KLF8: variants seen among roughly 807,000 people sequenced by gnomAD.
KLF8 encodes KLF transcription factor 8.
Under a neutral mutation model 18.2 loss-of-function variants are expected in KLF8, and 10 were observed. That is an observed-to-expected ratio of 0.55 (90% confidence interval 0.34 to 0.93). The LOEUF (loss-of-function observed/expected upper bound fraction) is 0.93. KLF8 is among the 40% of genes least tolerant of loss of function. The pLI is 0.02. For missense variants in KLF8, 264 were observed against 277.9 expected, an observed-to-expected ratio of 0.95 and a Z score of 0.36; for synonymous variants, 109 against 97.3, an observed-to-expected ratio of 1.12 and a Z score of -0.71.
At chrX:56,215,765 G>A in the KLF8 span, among the ~76,000 whole-genome samples, 7 of 88,335 alleles carry the variant, frequency 7.9e-5, no homozygotes, top group Non-Finnish European at 1.3e-4. Flanking sequence ...GGAGGTTCCA[G>A]TGAGCTAAGA....
chrX:55,925,319 C>A, the KLF8 span, among the ~76,000 whole-genome samples: 1 of 108,831 alleles, frequency 9.2e-6, no homozygotes, highest in African/African-American at 3.4e-5. Context: ...TATGTATTAA[C>A]CAGACAAAAG....
the KLF8 span, among the ~76,000 whole-genome samples, chrX:55,936,875 G>A: frequency 3.6e-5 from 4 of 111,934 alleles, no homozygotes; most frequent in Middle Eastern, 4.6e-3. Flanking sequence ...CAAAGCAGCC[G>A]GGAAACTCGA....
At chrX:55,947,849 T>C in the KLF8 span, among the ~76,000 whole-genome samples, 2 of 112,096 alleles carry the variant, frequency 1.8e-5, no homozygotes, top group Non-Finnish European at 1.9e-5. Flanking sequence ...CATTTCCTCT[T>C]TTAAAAAAGC....
At chrX:56,236,768 C>G (rs1185607790) in intron 1 of KLF8, among the ~76,000 whole-genome samples, 2 of 109,714 alleles carry the variant, frequency 1.8e-5, no homozygotes, top group Admixed American at 2.0e-4. Flanking sequence ...CCCATTTTGC[C>G]TCGCTGGAGG....
chrX:56,195,168 C>G, the KLF8 span, among the ~76,000 whole-genome samples: 1 of 112,128 alleles, frequency 8.9e-6, no homozygotes, highest in Non-Finnish European at 1.9e-5. Flanking sequence ...ATCAGAGTAC[C>G]TCTTCTACTC....
At chrX:56,211,449 C>T in the KLF8 span, among the ~76,000 whole-genome samples, 1 of 112,560 alleles carries the variant, frequency 8.9e-6, no homozygotes, top group Non-Finnish European at 1.9e-5. Context: ...TCTGTGACTA[C>T]CACCACTATG....
At chrX:56,107,265 G>A in the KLF8 span, among the ~76,000 whole-genome samples, 2 of 112,071 alleles carry the variant, frequency 1.8e-5, no homozygotes, top group Non-Finnish European at 3.8e-5. Context: ...TGTCAGACAG[G>A]GACATTTAAG....
In KLF8 at chrX:56,285,773, G is replaced by A. The variant is rs779344330; in HGVS notation, c.*1279G>A. The stretch of plus-strand genomic sequence containing the variant: ...ATCAGATTGTTTTATAATATTACCT[G>A]GGGTACAAAATCCTCTGTTCCTGGC... On this transcript the variant is annotated 3_prime_UTR_variant, in exon 6 of 6. Transcript: ENST00000468660. The A allele has an allele frequency of 9.9e-5, 11 of 111,296 alleles. No individual in the cohort carries two copies. The highest frequency in any genetic ancestry group is 1.9e-4 in the Admixed American group (2 of 10,474). The allele number at this position is 111,296 out of a possible 1,213,427, so 9.2% of individuals were successfully genotyped here.
At chrX:56,140,009 C>G in the KLF8 span, among the ~76,000 whole-genome samples, 2 of 111,673 alleles carry the variant, frequency 1.8e-5, no homozygotes, top group African/African-American at 6.5e-5. Context: ...ATGCAGCCAA[C>G]AAACATTTCT....
At chrX:56,091,254 CT>C in the KLF8 span, among the ~76,000 whole-genome samples, 1 of 110,670 alleles carries the variant, frequency 9.0e-6, no homozygotes, top group Non-Finnish European at 1.9e-5. Context: ...TTATAAGGGG[CT>C]TTTCCCCCAT....
the KLF8 span, among the ~76,000 whole-genome samples, chrX:56,121,863 C>A: frequency 8.9e-6 from 1 of 111,975 alleles, no homozygotes; most frequent in Non-Finnish European, 1.9e-5. Flanking sequence ...AAATCATTTC[C>A]AACTGTGTGT....
chrX:56,026,732 C>A, the KLF8 span, among the ~76,000 whole-genome samples: 1 of 111,762 alleles, frequency 8.9e-6, no homozygotes, highest in East Asian at 2.8e-4. Flanking sequence ...GCAGTCCAAA[C>A]CTAGGGACAA....
At chrX:56,046,078 G>GTT in the KLF8 span, among the ~76,000 whole-genome samples, 1 of 110,059 alleles carries the variant, frequency 9.1e-6, no homozygotes, top group Non-Finnish European at 1.9e-5. Context: ...TTTGTCACAT[G>GTT]TTTTTTCTGC....
the KLF8 span, among the ~76,000 whole-genome samples, chrX:55,979,695 T>C: frequency 1.8e-5 from 2 of 112,024 alleles, no homozygotes; most frequent in East Asian, 5.6e-4. Context: ...AGGAAAACAC[T>C]GCAGTGATCT....
the KLF8 span, among the ~76,000 whole-genome samples, chrX:56,140,210 G>T: frequency 8.9e-6 from 1 of 112,055 alleles, no homozygotes; most frequent in East Asian, 2.8e-4. Context: ...ATTTCTCAAA[G>T]AACTTAAAAC....
the KLF8 span, among the ~76,000 whole-genome samples, chrX:56,155,501 T>C: frequency 9.0e-6 from 1 of 110,784 alleles, no homozygotes; most frequent in South Asian, 3.9e-4. Flanking sequence ...ATATACTTAA[T>C]GTAAATGACG....
the KLF8 span, among the ~76,000 whole-genome samples, chrX:55,987,395 C>T: frequency 9.1e-6 from 1 of 110,066 alleles, no homozygotes; most frequent in African/African-American, 3.3e-5. Flanking sequence ...GTTCCCCTTC[C>T]TGTGTCCATG....
the KLF8 span, among the ~76,000 whole-genome samples, chrX:56,120,001 T>C: frequency 3.8e-5 from 4 of 106,164 alleles, no homozygotes; most frequent in African/African-American, 6.7e-5. Context: ...GCTATATATA[T>C]ATATATTATC....
the KLF8 span, among the ~76,000 whole-genome samples, chrX:56,022,664 A>G: frequency 9.1e-6 from 1 of 109,462 alleles, no homozygotes; most frequent in East Asian, 2.8e-4. Flanking sequence ...CCCCAGTTCC[A>G]CAGCAGCCCT....
Sources: allele counts gnomAD v4.1 joint callset (sites outside exome capture counted in the v4.1 genomes callset), GRCh38; gene constraint gnomAD v4.1.1; transcripts MANE v1.5; gene names NCBI Gene and HGNC (gene_info 2026-07-23, HGNC 2026-07-21).